The following DPT variants were observed in gnomAD, a reference collection of about 807,000 sequenced individuals.
The protein encoded by DPT is tyrosine-rich acidic matrix protein.
DPT carries 21 observed loss-of-function variants against 31.2 expected under a neutral mutation model. That is an observed-to-expected ratio of 0.67 (90% CI 0.48 to 0.97). The LOEUF is 0.97. Ranked by LOEUF, DPT falls within the 50% of genes least tolerant of loss-of-function variation. The probability of loss-of-function intolerance (pLI) is 0.00; values close to 1 mark genes in which losing one functional copy is unlikely to be tolerated. For synonymous variants in DPT, 91 were observed against 86.9 expected (o/e 1.05, Z -0.26); for missense variants, 262 against 258.8 (o/e 1.01, Z -0.08).
At chr1:168,714,957 C>T (rs141991337) in intron 1 of DPT, among the ~76,000 whole-genome samples, 485 of 151,890 alleles carry the variant, frequency 3.2e-3, no homozygotes, top group Non-Finnish European at 5.0e-3. Context: ...ATCTTTCTAC[C>T]ACCCACAAGA....
chr1:168,704,981 G>C (rs1649687086), intron 2 of DPT, among the ~76,000 whole-genome samples: 1 of 152,118 alleles, frequency 6.6e-6, no homozygotes. Context: ...GTTGCCACAA[G>C]AACAGACATA....
chr1:168,725,759 C>T (rs1650228195), intron 1 of DPT, among the ~76,000 whole-genome samples: 1 of 152,206 alleles, frequency 6.6e-6, no homozygotes, highest in Non-Finnish European at 1.5e-5. Context: ...AAAGATGGCA[C>T]TTTGATTAGA....
intron 1 of DPT, among the ~76,000 whole-genome samples, chr1:168,721,361 C>T (rs1002591156): frequency 1.3e-5 from 2 of 152,140 alleles, no homozygotes; most frequent in African/African-American, 4.8e-5. Flanking sequence ...TAAAGAGATG[C>T]TATATATCAA....
chr1:168,714,489 TA>T, intron 1 of DPT, 143 bp from the exon 2 acceptor site: 1 of 1,100,928 alleles, frequency 9.1e-7, no homozygotes, highest in Non-Finnish European at 1.3e-6. Context: ...TAATAGTCTT[TA>T]TTATATTTGT....
intron 3 of DPT, among the ~76,000 whole-genome samples, chr1:168,698,723 G>C (rs1649519360): frequency 6.6e-6 from 1 of 152,100 alleles, no homozygotes; most frequent in Non-Finnish European, 1.5e-5. Context: ...CTGAAACAAA[G>C]AAATATCTGG....
chr1:168,700,910 T>G (rs554728630), intron 3 of DPT, 107 bp downstream of exon 3: 106 of 517,312 alleles, frequency 2.0e-4, no homozygotes, highest in Middle Eastern at 6.9e-4. Context: ...TGTGTGTGGG[T>G]GTGTGTGTGT....
At chr1:168,721,370 A>C (rs1650110674) in intron 1 of DPT, among the ~76,000 whole-genome samples, 1 of 152,204 alleles carries the variant, frequency 6.6e-6, no homozygotes. Flanking sequence ...GCTATATATC[A>C]AGTGTAGCAT....
At chr1:168,710,389 C>T (rs112619926) in intron 2 of DPT, among the ~76,000 whole-genome samples, 28 of 152,190 alleles carry the variant, frequency 1.8e-4, no homozygotes, top group African/African-American at 6.5e-4. Context: ...CTGTACTTTC[C>T]CCACCTTTTG....
At chr1:168,725,215 A>ATGCCTTTCCTTTCCT (rs1307069116) in intron 1 of DPT, among the ~76,000 whole-genome samples, 1 of 110,716 alleles carries the variant, frequency 9.0e-6, no homozygotes, top group Non-Finnish European at 1.8e-5. Context: ...TTTCCTTTCC[A>ATGCCTTTCCTTTCCT]TTCCTTTCCT....
intron 1 of DPT, among the ~76,000 whole-genome samples, chr1:168,716,094 C>T (rs536054361): frequency 6.6e-6 from 1 of 152,302 alleles, no homozygotes; most frequent in African/African-American, 2.4e-5. Context: ...TGAAAATGAA[C>T]TTGCAGATCT....
intron 2 of DPT, among the ~76,000 whole-genome samples, chr1:168,710,201 C>T (rs1572628093): frequency 6.6e-6 from 1 of 152,212 alleles, no homozygotes; most frequent in African/African-American, 2.4e-5. Context: ...ATGGTGCACA[C>T]TTGAATCTTG....
At chr1:168,709,630 G>A (rs1019961623) in intron 2 of DPT, among the ~76,000 whole-genome samples, 1 of 152,172 alleles carries the variant, frequency 6.6e-6, no homozygotes, top group Non-Finnish European at 1.5e-5. Flanking sequence ...GAATCCCTAA[G>A]TGCTCACAAA....
chr1:168,723,776 C>T (rs1650173237), intron 1 of DPT, among the ~76,000 whole-genome samples: 1 of 152,214 alleles, frequency 6.6e-6, no homozygotes, highest in Non-Finnish European at 1.5e-5. Context: ...CCCTCCAGTG[C>T]TGGAATTCCA....
At chr1:168,723,381 TG>T (rs1169782033) in intron 1 of DPT, among the ~76,000 whole-genome samples, 1 of 152,236 alleles carries the variant, frequency 6.6e-6, no homozygotes, top group East Asian at 1.9e-4. Context: ...GAATAACTCA[TG>T]GGCATAGACT....
intron 3 of DPT, among the ~76,000 whole-genome samples, chr1:168,700,256 C>T (rs1301362261): frequency 6.6e-6 from 1 of 152,178 alleles, no homozygotes; most frequent in Non-Finnish European, 1.5e-5. Flanking sequence ...GCCCTTTCCA[C>T]CATGCGTGAG....
In DPT at chr1:168,700,908, G is replaced by GTGTGTGT. The variant is rs1553201763; in HGVS notation, c.539+108_539+109insACACACA. 2.9e-5 allele frequency: 3 copies of GTGTGTGT among 103,360 alleles called. No homozygotes were observed. In the African/African-American group the frequency reaches 3.6e-4, roughly 12 times the overall value. 6.4% of individuals were successfully genotyped at this position (103,360 alleles called of 1,614,324 possible). ...TATTCTACGTGTGTGTGTGTGTGTG[G>GTGTGTGT]GTGTGTGTGTGTGTGTGTGTTTATA... On this transcript the variant is annotated intron_variant, in intron 3 of 3. Coordinates refer to ENST00000367817, the MANE Select transcript of DPT (RefSeq NM_001937.5).
chr1:168,696,704 T>G (rs1649474712), intron 3 of DPT, 89 bp from the exon 4 acceptor site: 1 of 1,201,412 alleles, frequency 8.3e-7, no homozygotes, highest in Non-Finnish European at 1.2e-6. Context: ...CAGAGAACAT[T>G]TGGAGGATCT....
rs956186214 is a variant in DPT, at chr1:168,696,564, T to A, written c.591A>T (p.Glu197Asp). 1 of 1,614,046 alleles carries A rather than the reference T, an allele frequency of 6.2e-7. No homozygotes were observed. Residue 197 changes from glutamate to aspartate, a missense_variant, in exon 4 of 4, where the codon GAA becomes GAT. By Grantham distance (45) the Glu-to-Asp change is conservative. Transcript: ENST00000367817. ...IMCRMTEYDC[E>D]FANV ...TGTGGCAAATCTAAACATTTGCAAA[T>A]TCACAGTCGTATTCAGTCATCCGGC...
At chr1:168,720,801 G>A (rs1650093446) in intron 1 of DPT, among the ~76,000 whole-genome samples, 1 of 152,140 alleles carries the variant, frequency 6.6e-6, no homozygotes, top group Non-Finnish European at 1.5e-5. Context: ...TACCAAAAGA[G>A]TTTCTTTCTT....
Sources: gnomAD v4.1 joint callset for allele counts (sites outside exome capture counted in the v4.1 genomes callset) on GRCh38, gnomAD v4.1.1 for gene constraint, MANE v1.5 for transcripts, NCBI Gene and HGNC (gene_info 2026-07-23, HGNC 2026-07-21) for gene names.